Variants in ABCA9 observed in about 807,000 individuals in gnomAD.
ABCA9 encodes ATP-binding cassette sub-family A member 9.
In ABCA9, 183 loss-of-function variants were observed where a neutral mutation model predicts 205.3. The ratio of observed to expected loss-of-function variants is 0.89; its 90% CI spans 0.79 to 1.01. The LOEUF (loss-of-function observed/expected upper bound fraction) is 1.01. Among genes scored for constraint, ABCA9 ranks in the 50% least tolerant of loss-of-function variants. The pLI is 0.00. For synonymous variants in ABCA9, 651 were observed against 683.3 expected (o/e 0.95, Z 0.74); for missense variants, 1,805 against 1,912.4 (o/e 0.94, Z 1.05).
Position 69,024,233 on chromosome 17 carries a change from T to C in ABCA9, c.2262A>G (p.Glu754=). 6.2e-7 allele frequency: 1 copy of C among 1,612,708 alleles called. No individual in the cohort carries two copies. Among genetic ancestry groups the C allele is most frequent in the Non-Finnish European group, 8.5e-7 (1 of 1,179,446 alleles). The change falls in exon 17 of 39, where the codon GAA becomes GAG. Residue 754 remains glutamate, a synonymous_variant. Coordinates refer to ENST00000340001, the MANE Select transcript of ABCA9 (RefSeq NM_080283.4). ...EEKLVYILPL[E]RTNKFPELYR... The stretch of plus-strand genomic sequence containing the variant: ...TGTTACCTGGAAATTTGTTTGTCCT[T>C]TCCAAAGGCAAAATATATACAAGTT...
chr17:68,991,232 C>T (rs1196178067), intron 28 of ABCA9, among the ~76,000 whole-genome samples: 1 of 152,130 alleles, frequency 6.6e-6, no homozygotes, highest in East Asian at 1.9e-4. Flanking sequence ...GTGGTATACA[C>T]CCTCTGGCAA....
At chr17:69,006,713 G>A (rs1433677599) in intron 25 of ABCA9, among the ~76,000 whole-genome samples, 1 of 152,000 alleles carries the variant, frequency 6.6e-6, no homozygotes, top group Non-Finnish European at 1.5e-5. Context: ...GGTAGTTTTG[G>A]GGAAGTGCTC....
chr17:69,062,290 A>T (rs74963919), upstream of ABCA9, among the ~76,000 whole-genome samples: 1,732 of 152,194 alleles, frequency 0.011, 14 homozygotes, highest in Non-Finnish European at 0.019. Flanking sequence ...TAATTTAGGA[A>T]ATTTTTTTTC....
At chr17:69,077,807 T>C in the ABCA9 span, among the ~76,000 whole-genome samples, 1 of 152,168 alleles carries the variant, frequency 6.6e-6, no homozygotes. Flanking sequence ...CTTTGAATTT[T>C]TTTTTTTGGT....
At chr17:68,993,486 C>A (rs1396240895) in intron 26 of ABCA9, among the ~76,000 whole-genome samples, 1 of 152,222 alleles carries the variant, frequency 6.6e-6, no homozygotes, top group Non-Finnish European at 1.5e-5. Flanking sequence ...TGCTCTTGCC[C>A]TCTTACAGCC....
At chr17:69,054,789 G>C (rs544233720) in intron 1 of ABCA9, among the ~76,000 whole-genome samples, 1 of 151,984 alleles carries the variant, frequency 6.6e-6, no homozygotes, top group South Asian at 2.1e-4. Flanking sequence ...TGACAGTAAT[G>C]ATATGAGGGA....
At chr17:69,004,943 G>A (rs564452748) in intron 25 of ABCA9, 447 of 153,546 alleles carry the variant, frequency 2.9e-3, no homozygotes, top group Non-Finnish European at 3.8e-3. Flanking sequence ...GACCCCTTGC[G>A]CTTCCCGAGT....
intron 17 of ABCA9, chr17:69,022,278 G>C (rs2070837546): frequency 6.6e-6 from 1 of 151,586 alleles, no homozygotes; most frequent in Admixed American, 6.6e-5. Flanking sequence ...AATGTTTATA[G>C]AAATAATTAA....
chr17:68,979,871 G>A (rs201202335), intron 37 of ABCA9, among the ~76,000 whole-genome samples: 1 of 152,132 alleles, frequency 6.6e-6, no homozygotes, highest in Admixed American at 6.6e-5. Context: ...GACACAGGCA[G>A]GGGCAAGGAC....
chr17:69,008,273 A>G lies in ABCA9; in HGVS notation c.3148-38T>C, dbSNP rs745973290. The stretch of plus-strand genomic sequence containing the variant: ...TAGAAGAATCATCAAAAGGTTCTGA[A>G]GAGCTGAAGTTTGGGAAATTGCAAA... On this transcript the variant is annotated intron_variant, in intron 23 of 38. Coordinates refer to ENST00000340001, the MANE Select transcript of ABCA9 (RefSeq NM_080283.4). 8 of 1,581,748 alleles carry G rather than the reference A, an allele frequency of 5.1e-6. No homozygotes were observed. In the South Asian group the frequency reaches 8.0e-5, roughly 16 times the overall value.
At chr17:69,036,871 CAAAAAAA>C (rs781565554) in intron 6 of ABCA9, among the ~76,000 whole-genome samples, 35 of 4,704 alleles carry the variant, frequency 7.4e-3, no homozygotes, top group South Asian at 0.016. Flanking sequence ...AAATGGAAAG[CAAAAAAA>C]AAAAAAAAAA....
At chr17:69,032,577 A>T (rs1476033137) in intron 9 of ABCA9, 3 of 222,392 alleles carry the variant, frequency 1.3e-5, no homozygotes, top group Non-Finnish European at 2.7e-5. Context: ...ACAATTTTCT[A>T]TCTAGCTGTA....
chr17:68,980,133 C>A (rs2069002496), intron 37 of ABCA9, among the ~76,000 whole-genome samples: 1 of 152,098 alleles, frequency 6.6e-6, no homozygotes, highest in Non-Finnish European at 1.5e-5. Context: ...AGGATATGAA[C>A]AGACACTTCT....
chr17:68,986,341 C>A lies in ABCA9; in HGVS notation c.4048-17G>T. The A allele has an allele frequency of 6.3e-7, 1 of 1,596,658 alleles. No homozygotes were observed. The highest frequency in any genetic ancestry group is 1.1e-5 in the South Asian group (1 of 88,294). On this transcript the variant is annotated splice_polypyrimidine_tract_variant and intron_variant, in intron 31 of 38. Transcript: ENST00000340001. ...CAAAATCACCTATGCAAAATAAGTT[C>A]ATTCTTAGATTCTATCCCAAATGTC... is the stretch of plus-strand genomic sequence containing the variant.
intron 16 of ABCA9, 150 bp downstream of exon 16, chr17:69,026,227 C>T: frequency 1.6e-6 from 1 of 621,602 alleles, no homozygotes; most frequent in Non-Finnish European, 2.8e-6. Flanking sequence ...TGCATTCTAG[C>T]TAAAAAAGCA....
chr17:69,062,209 C>T (rs1280408870), upstream of ABCA9, among the ~76,000 whole-genome samples: 1 of 150,760 alleles, frequency 6.6e-6, no homozygotes, highest in Non-Finnish European at 1.5e-5. Flanking sequence ...GGTTGATTTT[C>T]TGCAGAAAAT....
chr17:69,044,678 CA>C, intron 4 of ABCA9, 78 bp from the exon 5 acceptor site: 1 of 1,313,400 alleles, frequency 7.6e-7, no homozygotes, highest in Non-Finnish European at 1.1e-6. Flanking sequence ...TCAAATGTTT[CA>C]AAATGCAAAG....
intron 6 of ABCA9, chr17:69,042,484 A>C (rs2071577123): frequency 6.6e-6 from 1 of 152,228 alleles, no homozygotes; most frequent in Non-Finnish European, 1.5e-5. Flanking sequence ...ATGTTTAAAG[A>C]ACATAAAAGG....
At chr17:68,981,796 T>G (rs2069061148) in intron 37 of ABCA9, among the ~76,000 whole-genome samples, 1 of 119,222 alleles carries the variant, frequency 8.4e-6, no homozygotes, top group Non-Finnish European at 1.6e-5. Flanking sequence ...ACTGCACCAC[T>G]CCAGCCTGCC....
Sources: gnomAD v4.1 joint callset for allele counts (sites outside exome capture counted in the v4.1 genomes callset) on GRCh38, gnomAD v4.1.1 for gene constraint, MANE v1.5 for transcripts, NCBI Gene and HGNC (gene_info 2026-07-23, HGNC 2026-07-21) for gene names.